The following NCOR2 variants were observed in gnomAD, a reference collection of about 807,000 sequenced individuals.
NCOR2 encodes the protein CTG repeat protein 26.
NCOR2 carries 81 observed loss-of-function variants against 262.9 expected under a neutral mutation model. That is an observed-to-expected ratio of 0.31 (90% CI 0.26 to 0.37). NCOR2 has a LOEUF of 0.37. Among genes scored for constraint, NCOR2 ranks in the 10% least tolerant of loss-of-function variants. The probability of loss-of-function intolerance (pLI) is 1.00; values close to 1 mark genes in which losing one functional copy is unlikely to be tolerated. For synonymous variants in NCOR2, 1,659 were observed against 1,559.3 expected (o/e 1.06, Z -1.51); for missense variants, 3,385 against 3,621.4 (o/e 0.93, Z 1.68).
chr12:124,445,008 G>A (rs1001310518), intron 7 of NCOR2, among the ~76,000 whole-genome samples: 7 of 152,062 alleles, frequency 4.6e-5, no homozygotes, highest in East Asian at 1.9e-4. Flanking sequence ...CCCCCTTTCC[G>A]CCTGCACAGC....
chr12:124,477,126 G>A (rs773606378), intron 3 of NCOR2, among the ~76,000 whole-genome samples: 19 of 152,158 alleles, frequency 1.2e-4, no homozygotes, highest in African/African-American at 3.9e-4. Context: ...TGGTTTGGCC[G>A]TGTCCCCACC....
exon 45 of NCOR2, chr12:124,327,435 C>T (rs552340226): frequency 1.6e-5 from 25 of 1,611,770 alleles, no homozygotes; most frequent in South Asian, 9.9e-5. Context: ...GTGGTCACTC[C>T]GTCCGTCAGC....
chr12:124,518,838 C>T (rs979575820), intron 1 of NCOR2, among the ~76,000 whole-genome samples: 2 of 152,314 alleles, frequency 1.3e-5, no homozygotes, highest in Admixed American at 6.5e-5. Context: ...AGCTTCGAGC[C>T]GCACCTGCAC....
intron 3 of NCOR2, among the ~76,000 whole-genome samples, chr12:124,478,446 G>A (rs1319838480): frequency 6.6e-6 from 1 of 152,196 alleles, no homozygotes; most frequent in Non-Finnish European, 1.5e-5. Flanking sequence ...GGAGGCTGAA[G>A]AGCAGAGAAG....
intron 13 of NCOR2, 118 bp downstream of exon 15, chr12:124,419,839 G>A (rs1461498427): frequency 3.3e-6 from 3 of 919,164 alleles, no homozygotes; most frequent in Non-Finnish European, 5.2e-6. Context: ...CGGTGGCCAA[G>A]CAACAACAAC....
Position 124,385,903 on chromosome 12 carries a change from A to C in NCOR2, c.1877-16T>G. 3 of 1,611,018 alleles carry C rather than the reference A, an allele frequency of 1.9e-6. No homozygotes were observed. The South Asian group carries it at 3.3e-5, about 18-fold the overall frequency. On this transcript the variant is annotated splice_polypyrimidine_tract_variant and intron_variant, in intron 16 of 46. Transcript: ENST00000405201. ...TCCAGGAGACCTGTCTCAGGAGAGGAGGGCAGTGAGAAGAGGCCAGGCCCG... is the reference window on the plus strand; with the variant it reads ...TCCAGGAGACCTGTCTCAGGAGAGGCGGGCAGTGAGAAGAGGCCAGGCCCG...
At chr12:124,486,656 C>A in intron 1 of NCOR2, 88 bp from the exon 4 acceptor site, 2 of 1,450,128 alleles carry the variant, frequency 1.4e-6, no homozygotes, top group Non-Finnish European at 9.1e-7. Context: ...GCCGTGGACT[C>A]CCTGCTCAGG....
At chr12:124,501,947 G>A (rs765930871) in intron 1 of NCOR2, among the ~76,000 whole-genome samples, 4 of 152,236 alleles carry the variant, frequency 2.6e-5, no homozygotes, top group Non-Finnish European at 4.4e-5. Flanking sequence ...CTCTGGGACA[G>A]CAGTTCTGGG....
At chr12:124,499,782 G>A (rs1053093685), upstream of NCOR2, among the ~76,000 whole-genome samples, 13 of 152,202 alleles carry the variant, frequency 8.5e-5, no homozygotes, top group Non-Finnish European at 1.8e-4. Context: ...GCCACAGAAG[G>A]TGGTTGCGGG....
intron 8 of NCOR2, among the ~76,000 whole-genome samples, chr12:124,435,266 G>T (rs2044267376): frequency 1.3e-5 from 2 of 152,192 alleles, no homozygotes; most frequent in South Asian, 4.1e-4. Context: ...CTGTTTCCTG[G>T]CCTGTGACTC....
chr12:124,325,381 C>A (rs77921053), exon 47 of NCOR2: 5 of 380,676 alleles, frequency 1.3e-5, no homozygotes, highest in African/African-American at 2.7e-5. Context: ...GACACCGCCC[C>A]CCCCCCCGCC....
exon 4 of NCOR2, chr12:124,473,051 C>T (rs779728274): frequency 7.6e-5 from 122 of 1,613,990 alleles, no homozygotes; most frequent in Middle Eastern, 1.6e-4. Context: ...ACAGCCGTGG[C>T]GGCACCAGCT....
chr12:124,566,774 C>A lies in NCOR2; in HGVS notation c.-165+534G>T, dbSNP rs2052255826. On this transcript the variant is annotated intron_variant, in intron 1 of 32. Transcript: ENST00000458234. This position sits in a 1 kb window ranked among gnomAD's most constrained non-coding sequence, Gnocchi z 4.3. The stretch of plus-strand genomic sequence containing the variant: ...TCCCGAGGGACCCCGCCCAGCGCCC[C>A]GTGGCCCCACGCCTAGGAGGGACAA... Among the ~76,000 whole-genome samples the A allele has an allele frequency of 6.6e-6, 1 of 152,166 alleles. No homozygotes were observed. The highest frequency in any genetic ancestry group is 2.1e-4 in the South Asian group (1 of 4,832).
At chr12:124,333,309 C>T in intron 41 of NCOR2, 30 bp from the exon 44 acceptor site, 13 of 1,547,850 alleles carry the variant, frequency 8.4e-6, no homozygotes, top group Non-Finnish European at 1.1e-5. Flanking sequence ...CAGATGTGGT[C>T]AGAGGTCTCC....
chr12:124,506,275 A>G (rs2049031981), intron 1 of NCOR2, among the ~76,000 whole-genome samples: 1 of 152,132 alleles, frequency 6.6e-6, no homozygotes, highest in African/African-American at 2.4e-5. Flanking sequence ...ACGGGTGCCC[A>G]AACCCCCGGC....
chr12:124,499,946 A>C (rs901090216), upstream of NCOR2, among the ~76,000 whole-genome samples: 4 of 152,012 alleles, frequency 2.6e-5, no homozygotes, highest in Non-Finnish European at 1.5e-5. Flanking sequence ...AGGTGGATGA[A>C]AGTCAGGAGG....
exon 10 of NCOR2, chr12:124,429,666 C>G (rs550727654): frequency 6.2e-7 from 1 of 1,609,432 alleles, no homozygotes; most frequent in East Asian, 2.2e-5. Context: ...TCGCTGCGGG[C>G]GGCCGACATG....
At chr12:124,325,629 G>C in intron 46 of NCOR2, 46 bp from the exon 49 acceptor site, 5 of 1,228,732 alleles carry the variant, frequency 4.1e-6, no homozygotes, top group Non-Finnish European at 5.2e-6. Context: ...TGTGAGCCCG[G>C]CAGCCCCTGC....
chr12:124,493,632 T>C (rs979458850), intron 1 of NCOR2, among the ~76,000 whole-genome samples: 1 of 152,196 alleles, frequency 6.6e-6, no homozygotes, highest in Non-Finnish European at 1.5e-5. Flanking sequence ...CACAACCATA[T>C]ACACTCAGGG....
Sources: gnomAD v4.1 joint callset for allele counts (sites outside exome capture counted in the v4.1 genomes callset) on GRCh38, gnomAD v4.1.1 for gene constraint, Gnocchi (gnomAD v3.1) non-coding constraint, MANE v1.5 for transcripts, NCBI Gene and HGNC (gene_info 2026-07-23, HGNC 2026-07-21) for gene names.